Variants in ARHGAP22 observed in about 807,000 individuals in gnomAD.
ARHGAP22 encodes the protein rho GTPase-activating protein 22.
A neutral mutation model predicts 59.1 loss-of-function variants in ARHGAP22; 48 were observed. The ratio of observed to expected loss-of-function variants is 0.81; its 90% confidence interval spans 0.64 to 1.03. The LOEUF (loss-of-function observed/expected upper bound fraction) is 1.03, where lower values mean the gene tolerates loss of function less well. ARHGAP22 is among the 50% of genes least tolerant of loss of function. ARHGAP22 has a pLI of 0.00. For synonymous variants in ARHGAP22, 445 were observed against 416.4 expected (o/e 1.07, Z -0.84); for missense variants, 1,015 against 958.7 (o/e 1.06, Z -0.78).
At chr10:48,569,980 A>G (rs572209659) in intron 2 of ARHGAP22, among the ~76,000 whole-genome samples, 1 of 152,356 alleles carries the variant, frequency 6.6e-6, no homozygotes, top group South Asian at 2.1e-4. Context: ...AGAACCCTGC[A>G]GGATGGTATA....
At chr10:48,520,235 A>T (rs1005087405) in intron 3 of ARHGAP22, among the ~76,000 whole-genome samples, 1 of 152,224 alleles carries the variant, frequency 6.6e-6, no homozygotes, top group Non-Finnish European at 1.5e-5. Flanking sequence ...GTTTAGAGGC[A>T]ATCACAGTCA....
intron 1 of ARHGAP22, among the ~76,000 whole-genome samples, chr10:48,586,565 T>C (rs1965169): frequency 0.8 from 121,913 of 152,174 alleles, 49,245 homozygotes; most frequent in East Asian, 1. Context: ...CCTTTAAATG[T>C]CACTATACAC....
chr10:48,434,923 C>T, the ARHGAP22 span: 4 of 1,612,556 alleles, frequency 2.5e-6, no homozygotes, highest in Admixed American at 1.7e-5. Flanking sequence ...CCATCATCAT[C>T]GTCGTCTGTC....
upstream of ARHGAP22, chr10:48,605,089 A>C (rs1489129474): frequency 1.1e-5 from 14 of 1,293,592 alleles, no homozygotes; most frequent in African/African-American, 1.5e-5. Context: ...AGGGCGGGGC[A>C]GTCCCTCCGC....
In ARHGAP22 at chr10:48,450,869, C is replaced by A; in HGVS notation, c.1260G>T (p.Lys420Asn). The part of the protein sequence containing the change: ...TGPGSRCSPG[K>N]KVQTLPSWKS... ...TCCAACTGGGCAGGGTCTGCACCTT[C>A]TTCCCAGGGCTGCACCGGCTCCCCG... Residue 420 changes from lysine (K) to asparagine (N), a missense_variant, in exon 9 of 10, where the codon AAG (lysine) becomes AAT (asparagine). Lys to Asn is a moderately conservative substitution (Grantham distance 94). Coordinates refer to ENST00000249601, the MANE Select transcript of ARHGAP22 (RefSeq NM_021226.4). The A allele has an allele frequency of 1.9e-6, 3 of 1,587,258 alleles. No homozygotes were observed. The highest frequency in any genetic ancestry group is 2.6e-6 in the Non-Finnish European group (3 of 1,167,934).
In ARHGAP22 at chr10:48,611,570, A is replaced by G. The variant is rs541741814; in HGVS notation, c.53-28418T>C. Among the ~76,000 whole-genome samples the G allele has an allele frequency of 2.0e-5, 3 of 152,278 alleles. No homozygotes were observed. The South Asian group carries it at 6.2e-4, about 32-fold the overall frequency. On this transcript the variant is annotated intron_variant, in intron 1 of 9. Coordinates refer to the ARHGAP22 transcript ENST00000435790. ...TTTTAGGTAAAGAGTCAGATTTTAG[A>G]AAATGATAAATCACCATTTTGATCA... is the stretch of plus-strand genomic sequence containing the variant.
chr10:48,504,300 T>C (rs368326432), intron 3 of ARHGAP22, among the ~76,000 whole-genome samples: 7 of 152,326 alleles, frequency 4.6e-5, no homozygotes, highest in African/African-American at 1.7e-4. Flanking sequence ...GGGAGGCTGA[T>C]TCTTCCAGTG....
chr10:48,642,837 C>T (rs1384192265), intron 1 of ARHGAP22, among the ~76,000 whole-genome samples: 3 of 152,028 alleles, frequency 2.0e-5, no homozygotes, highest in Admixed American at 6.6e-5. Flanking sequence ...ACAATCTACT[C>T]ATCTGACAAA....
At chr10:48,561,337 C>T (rs2057674619) in intron 2 of ARHGAP22, among the ~76,000 whole-genome samples, 1 of 152,038 alleles carries the variant, frequency 6.6e-6, no homozygotes, top group African/African-American at 2.4e-5. Flanking sequence ...ATACCTCACA[C>T]CATATATAAA....
intron 1 of ARHGAP22, among the ~76,000 whole-genome samples, chr10:48,584,000 C>A (rs2059275270): frequency 6.6e-6 from 1 of 151,650 alleles, no homozygotes; most frequent in African/African-American, 2.4e-5. Context: ...CTACTCCTTC[C>A]CCTTCTGTCC....
chr10:48,479,408 A>T (rs1462636591), intron 4 of ARHGAP22, among the ~76,000 whole-genome samples: 3 of 152,160 alleles, frequency 2.0e-5, no homozygotes, highest in African/African-American at 4.8e-5. Flanking sequence ...AATCCAGTAC[A>T]TTTAGATGTC....
chr10:48,631,983 A>G (rs1405592264), intron 1 of ARHGAP22, among the ~76,000 whole-genome samples: 1 of 152,004 alleles, frequency 6.6e-6, no homozygotes, highest in African/African-American at 2.4e-5. Context: ...TTATTTTTCT[A>G]TTTCAATACT....
At chr10:48,477,519 A>T (rs2048864911) in intron 4 of ARHGAP22, among the ~76,000 whole-genome samples, 1 of 152,244 alleles carries the variant, frequency 6.6e-6, no homozygotes, top group South Asian at 2.1e-4. Flanking sequence ...TCTATGTAGG[A>T]CATGCTTCAT....
chr10:48,568,993 A>AT (rs1554920676), intron 2 of ARHGAP22, among the ~76,000 whole-genome samples: 1 of 152,126 alleles, frequency 6.6e-6, no homozygotes, highest in Admixed American at 6.5e-5. Flanking sequence ...CTCTTGGAAG[A>AT]TTTTTTTCTG....
chr10:48,430,345 C>G, the ARHGAP22 span: 1 of 152,226 alleles, frequency 6.6e-6, no homozygotes, highest in African/African-American at 2.4e-5. Context: ...CCACCCACCT[C>G]GGCCTCCCAA....
At chr10:48,651,431 C>T (rs1198892796) in intron 1 of ARHGAP22, among the ~76,000 whole-genome samples, 1 of 151,990 alleles carries the variant, frequency 6.6e-6, no homozygotes, top group Non-Finnish European at 1.5e-5. Flanking sequence ...CCAGCCAGCA[C>T]CTGCACAATC....
chr10:48,488,930 G>A (rs994611149), intron 3 of ARHGAP22, among the ~76,000 whole-genome samples: 7 of 152,186 alleles, frequency 4.6e-5, no homozygotes, highest in Middle Eastern at 3.4e-3. Flanking sequence ...AGAGTCCAAC[G>A]GGCTCCACCT....
chr10:48,587,453 T>C (rs2059497409), intron 1 of ARHGAP22, among the ~76,000 whole-genome samples: 1 of 152,216 alleles, frequency 6.6e-6, no homozygotes, highest in Admixed American at 6.5e-5. Context: ...GAATTGCTAG[T>C]CAAATTAGGT....
At chr10:48,540,141 A>G (rs1214583031) in intron 3 of ARHGAP22, among the ~76,000 whole-genome samples, 3 of 152,244 alleles carry the variant, frequency 2.0e-5, no homozygotes, top group East Asian at 3.8e-4. Context: ...CAAATAAGTC[A>G]GCCAATACAT....
Sources: gnomAD v4.1 joint callset for allele counts (sites outside exome capture counted in the v4.1 genomes callset) on GRCh38, gnomAD v4.1.1 for gene constraint, MANE v1.5 for transcripts, NCBI Gene and HGNC (gene_info 2026-07-23, HGNC 2026-07-21) for gene names.